The following PRKG1 variants were observed in gnomAD, a reference collection of about 807,000 sequenced individuals.
PRKG1 encodes protein kinase cGMP-dependent 1, also known as cGMP-dependent protein kinase 1.
A neutral mutation model predicts 88.1 loss-of-function variants in PRKG1; 35 were observed. That is an observed-to-expected ratio of 0.40 (90% confidence interval 0.30 to 0.53). PRKG1 has a LOEUF of 0.53. PRKG1 is among the 20% of genes least tolerant of loss of function. The probability of loss-of-function intolerance (pLI) is 0.59; values close to 1 mark genes in which losing one functional copy is unlikely to be tolerated. For synonymous variants in PRKG1, 303 were observed against 292.5 expected, an observed-to-expected ratio of 1.04 and a Z score of -0.37; for missense variants, 540 against 839.8, an observed-to-expected ratio of 0.64 and a Z score of 4.41.
intron 4 of PRKG1, among the ~76,000 whole-genome samples, chr10:51,903,715 C>T (rs577398929): frequency 3.9e-5 from 6 of 152,038 alleles, no homozygotes; most frequent in Non-Finnish European, 8.8e-5. Context: ...TTATTTATTT[C>T]CATATCACTA....
intron 7 of PRKG1, among the ~76,000 whole-genome samples, chr10:52,072,523 G>T (rs1168876531): frequency 6.6e-6 from 1 of 152,150 alleles, no homozygotes; most frequent in Non-Finnish European, 1.5e-5. Flanking sequence ...TACGGGGCAA[G>T]TCAACTTAGC....
chr10:51,347,807 A>C (rs1385491873), intron 2 of PRKG1, among the ~76,000 whole-genome samples: 1 of 152,142 alleles, frequency 6.6e-6, no homozygotes, highest in Non-Finnish European at 1.5e-5. Context: ...CACACCTGTA[A>C]TCCCAGCACT....
chr10:51,312,262 T>C (rs1841207813), intron 2 of PRKG1, among the ~76,000 whole-genome samples: 1 of 152,182 alleles, frequency 6.6e-6, no homozygotes. Context: ...CCCTTATCTT[T>C]CTTAGAATAT....
At chr10:52,140,348 C>A (rs1837541959) in intron 8 of PRKG1, among the ~76,000 whole-genome samples, 1 of 144,962 alleles carries the variant, frequency 6.9e-6, no homozygotes, top group African/African-American at 2.6e-5. Context: ...TGCTGCTCCT[C>A]CTGATGCCAT....
At chr10:51,132,158 G>A (rs1411401729) in intron 1 of PRKG1, among the ~76,000 whole-genome samples, 1 of 152,202 alleles carries the variant, frequency 6.6e-6, no homozygotes, top group African/African-American at 2.4e-5. Flanking sequence ...GATATCAGAG[G>A]TACGTCTTTC....
chr10:52,173,686 C>A (rs563318236), intron 9 of PRKG1, among the ~76,000 whole-genome samples: 74 of 152,270 alleles, frequency 4.9e-4, no homozygotes, highest in African/African-American at 1.8e-3. Context: ...CTATTAATTA[C>A]TTCAGGCAGC....
intron 2 of PRKG1, among the ~76,000 whole-genome samples, chr10:51,264,618 T>C (rs1839794262): frequency 6.6e-6 from 1 of 152,194 alleles, no homozygotes; most frequent in Non-Finnish European, 1.5e-5. Context: ...TTTGGTAAGA[T>C]TCCATAGCAC....
At chr10:51,482,378 T>C (rs1197706774) in intron 3 of PRKG1, among the ~76,000 whole-genome samples, 1 of 152,186 alleles carries the variant, frequency 6.6e-6, no homozygotes, top group Non-Finnish European at 1.5e-5. Flanking sequence ...GAGCACAAGG[T>C]AGGTGAAAAG....
rs865920856 is a variant in PRKG1, at chr10:51,126,071, C to T, written c.312-27093C>T. On this transcript the variant is annotated intron_variant, in intron 1 of 17. Coordinates refer to ENST00000373980, the MANE Select transcript of PRKG1 (RefSeq NM_006258.4). ...ATATATAATTATATATAATATACTACATATAATTATATAATTATATAATAA... is the reference window on the plus strand; with the variant it reads ...ATATATAATTATATATAATATACTATATATAATTATATAATTATATAATAA... 8.8e-4 allele frequency among the ~76,000 whole-genome samples: 103 copies of T among 116,488 alleles called. 1 individual carries two copies. The highest frequency in any genetic ancestry group is 3.4e-3 in the African/African-American group (97 of 28,574). The allele number at this position is 116,488 out of a possible 152,430, so 76.4% of individuals were successfully genotyped here.
chr10:51,314,405 C>A (rs1037631717), intron 2 of PRKG1, among the ~76,000 whole-genome samples: 1 of 152,138 alleles, frequency 6.6e-6, no homozygotes, highest in African/African-American at 2.4e-5. Flanking sequence ...TGCATGTGAA[C>A]ACAGTTTGTA....
intron 8 of PRKG1, among the ~76,000 whole-genome samples, chr10:52,138,774 C>A (rs1330197747): frequency 1.3e-5 from 2 of 152,046 alleles, no homozygotes; most frequent in Non-Finnish European, 2.9e-5. Context: ...TTGCAAGTAG[C>A]AATCTCTGAA....
chr10:51,627,251 C>T (rs1839362315), intron 3 of PRKG1, among the ~76,000 whole-genome samples: 1 of 151,942 alleles, frequency 6.6e-6, no homozygotes. Context: ...TTTAGAAACT[C>T]AAGGTAGTTC....
intron 7 of PRKG1, among the ~76,000 whole-genome samples, chr10:52,132,592 C>T (rs928458900): frequency 1.1e-4 from 16 of 151,948 alleles, no homozygotes; most frequent in African/African-American, 3.9e-4. Flanking sequence ...ATTCTCAAAA[C>T]TTTAAGAGCC....
upstream of PRKG1, among the ~76,000 whole-genome samples, chr10:51,069,641 G>A (rs1227175926): frequency 6.6e-6 from 1 of 152,030 alleles, no homozygotes; most frequent in African/African-American, 2.4e-5. Flanking sequence ...TTAACACAAA[G>A]TAATGTATAA....
At chr10:51,808,781 T>C (rs1045879761) in intron 4 of PRKG1, among the ~76,000 whole-genome samples, 5 of 152,192 alleles carry the variant, frequency 3.3e-5, no homozygotes, top group Admixed American at 3.3e-4. Flanking sequence ...CTTTATACTT[T>C]GTAAATGACT....
At chr10:51,517,957 G>A (rs1841632487) in intron 3 of PRKG1, among the ~76,000 whole-genome samples, 1 of 152,136 alleles carries the variant, frequency 6.6e-6, no homozygotes, top group Non-Finnish European at 1.5e-5. Flanking sequence ...TCTGGTTAAA[G>A]TCTGGCATGT....
intron 2 of PRKG1, among the ~76,000 whole-genome samples, chr10:51,324,601 C>A (rs932534614): frequency 1.3e-5 from 2 of 149,312 alleles, no homozygotes; most frequent in Admixed American, 6.7e-5. Context: ...AATAGCCGGG[C>A]GTGGTGGCGG....
At chr10:51,403,577 A>G (rs1837819006) in intron 2 of PRKG1, among the ~76,000 whole-genome samples, 1 of 152,188 alleles carries the variant, frequency 6.6e-6, no homozygotes, top group Non-Finnish European at 1.5e-5. Flanking sequence ...AAGAGCCTCA[A>G]TAACTTGCCC....
At chr10:51,577,859 C>T (rs1837927839) in intron 3 of PRKG1, among the ~76,000 whole-genome samples, 1 of 152,032 alleles carries the variant, frequency 6.6e-6, no homozygotes, top group Non-Finnish European at 1.5e-5. Flanking sequence ...TGTGGTATTT[C>T]CGTGCTTCCT....
Sources: allele counts gnomAD v4.1 joint callset (sites outside exome capture counted in the v4.1 genomes callset), GRCh38; gene constraint gnomAD v4.1.1; transcripts MANE v1.5; gene names NCBI Gene and HGNC (gene_info 2026-07-23, HGNC 2026-07-21).